Variants in SLC7A9 observed in about 807,000 individuals in gnomAD.
SLC7A9 encodes the protein solute carrier family 7 member 9.
In SLC7A9, 38 loss-of-function variants were observed where a neutral mutation model predicts 54.1. The observed-to-expected ratio is 0.70, with a 90% CI of 0.54 to 0.92. The LOEUF is 0.92. Among genes scored for constraint, SLC7A9 ranks in the 40% least tolerant of loss-of-function variants. The pLI is 0.00. For synonymous variants in SLC7A9, 264 were observed against 258.9 expected, an observed-to-expected ratio of 1.02 and a Z score of -0.19; for missense variants, 537 against 636.1, an observed-to-expected ratio of 0.84 and a Z score of 1.68.
At chr19:32,834,699 G>A (rs1007349533) in intron 11 of SLC7A9, among the ~76,000 whole-genome samples, 3 of 152,134 alleles carry the variant, frequency 2.0e-5, no homozygotes, top group African/African-American at 4.8e-5. Context: ...ATTAATTTTG[G>A]TATTCTCTTA....
chr19:32,847,380 GT>G (rs1968330281), intron 9 of SLC7A9, among the ~76,000 whole-genome samples: 1 of 152,192 alleles, frequency 6.6e-6, no homozygotes, highest in Admixed American at 6.5e-5. Flanking sequence ...CGAGAACTAC[GT>G]GAAGAATGCA....
chr19:32,857,355 G>C (rs906868039), intron 9 of SLC7A9, among the ~76,000 whole-genome samples: 4 of 151,816 alleles, frequency 2.6e-5, no homozygotes, highest in Non-Finnish European at 4.4e-5. Context: ...GAGGAGGGAG[G>C]ATTGCTTGAG....
At chr19:32,849,175 A>G (rs1441313963) in intron 9 of SLC7A9, among the ~76,000 whole-genome samples, 1 of 152,198 alleles carries the variant, frequency 6.6e-6, no homozygotes, top group African/African-American at 2.4e-5. Context: ...GGCAAGAAAT[A>G]ACTAAAACCA....
chr19:32,854,744 TG>T (rs1968568483), intron 9 of SLC7A9, among the ~76,000 whole-genome samples: 1 of 152,156 alleles, frequency 6.6e-6, no homozygotes, highest in South Asian at 2.1e-4. Context: ...TCTGCCACCA[TG>T]CCCCACTAAT....
intron 2 of SLC7A9, among the ~76,000 whole-genome samples, chr19:32,864,985 C>T (rs979042835): frequency 3.3e-5 from 5 of 152,180 alleles, no homozygotes; most frequent in Non-Finnish European, 5.9e-5. Context: ...GTGACAGCCC[C>T]GCGAGCTGGC....
Position 32,864,253 on chromosome 19 carries a change from G to A in SLC7A9, c.321C>T (p.Ile107=), listed in dbSNP as rs1208493877. The change falls in exon 4 of 13, where the codon ATC becomes ATT. Residue 107 remains isoleucine (I), a synonymous_variant. Transcript: ENST00000023064. ...TGGCCCAGGAGAAGAGGTAGGCGGG[G>A]ATGGGCCCGTAGGCCTCCATCAGGT... ...YPYLMEAYGP[I]PAYLFSWASL... is the part of the protein sequence containing the mutation. 1.9e-6 allele frequency: 3 copies of A among 1,614,076 alleles called. No individual in the cohort carries two copies. The highest frequency in any genetic ancestry group is 2.5e-6 in the Non-Finnish European group (3 of 1,180,024).
chr19:32,855,770 CT>C (rs1028986177), intron 9 of SLC7A9, among the ~76,000 whole-genome samples: 7 of 152,152 alleles, frequency 4.6e-5, no homozygotes, highest in Non-Finnish European at 1.0e-4. Flanking sequence ...GCACGTACCC[CT>C]GTCCAGCACA....
At chr19:32,868,754 C>G in intron 1 of SLC7A9, 109 bp from the exon 2 acceptor site, 3 of 610,238 alleles carry the variant, frequency 4.9e-6, no homozygotes, top group African/African-American at 1.8e-5. Context: ...ATTGTCCAGG[C>G]AGGGGAACAC....
chr19:32,852,991 GCAACCTCCGT>G (rs968047084), intron 9 of SLC7A9, among the ~76,000 whole-genome samples: 3 of 143,190 alleles, frequency 2.1e-5, no homozygotes, highest in Admixed American at 7.5e-5. Flanking sequence ...TCGGCTCACT[GCAACCTCCGT>G]CCCCCAGGTT....
At chr19:32,851,498 G>A (rs902872497) in intron 9 of SLC7A9, among the ~76,000 whole-genome samples, 68 of 149,178 alleles carry the variant, frequency 4.6e-4, no homozygotes, top group South Asian at 6.4e-4. Flanking sequence ...TTAGAATGGC[G>A]ATCATTAAAA....
chr19:32,839,571 A>AG (rs1968072374), intron 11 of SLC7A9, among the ~76,000 whole-genome samples: 1 of 151,178 alleles, frequency 6.6e-6, no homozygotes, highest in Admixed American at 6.6e-5. Flanking sequence ...AAAAAAAAAA[A>AG]GTCTCGTGTA....
At chr19:32,845,314 G>A (rs1968254858) in intron 9 of SLC7A9, among the ~76,000 whole-genome samples, 1 of 151,936 alleles carries the variant, frequency 6.6e-6, no homozygotes. Flanking sequence ...AACCAACATG[G>A]GGAAACCCCG....
chr19:32,855,619 G>A lies in SLC7A9; in HGVS notation c.977+2821C>T, dbSNP rs191398085. On this transcript the variant is annotated intron_variant, in intron 9 of 12. Coordinates refer to ENST00000023064, the MANE Select transcript of SLC7A9 (RefSeq NM_014270.5). ...CAGGAGGCTGAGGCAGGAGAATGGCGTGAACCTGGGAGGTGGAGCTTGCAG... is the reference window on the plus strand; with the variant it reads ...CAGGAGGCTGAGGCAGGAGAATGGCATGAACCTGGGAGGTGGAGCTTGCAG... Among the ~76,000 whole-genome samples the A allele has an allele frequency of 6.4e-4, 97 of 151,804 alleles. No individual in the cohort carries two copies. The South Asian group carries it at 0.011, about 18-fold the overall frequency.
At position 32,864,082 on chromosome 19, in the gene SLC7A9, G is replaced by T. The variant is rs1189647899; in HGVS notation, c.478+14C>A. The stretch of plus-strand genomic sequence containing the variant: ...AGGTCTTTTCTGACCCCTGCCCTGG[G>T]CTCAGGTACTCACAGATGGCGGCGG... On this transcript the variant is annotated intron_variant, in intron 4 of 12. Coordinates refer to ENST00000023064, the MANE Select transcript of SLC7A9 (RefSeq NM_014270.5). 1 of 1,613,910 alleles carries T rather than the reference G, an allele frequency of 6.2e-7. No homozygotes were observed.
intron 9 of SLC7A9, among the ~76,000 whole-genome samples, chr19:32,850,192 CAGG>C (rs1235107480): frequency 6.7e-6 from 1 of 149,758 alleles, no homozygotes; most frequent in East Asian, 2.0e-4. Context: ...GGCAATTAGG[CAGG>C]AGAAGGAAAT....
At chr19:32,851,259 T>G (rs1029083844) in intron 9 of SLC7A9, among the ~76,000 whole-genome samples, 3 of 151,440 alleles carry the variant, frequency 2.0e-5, no homozygotes, top group Admixed American at 6.6e-5. Flanking sequence ...GGGAGAAAAT[T>G]TTCGCAACCT....
chr19:32,847,007 A>G (rs1421303418), intron 9 of SLC7A9, among the ~76,000 whole-genome samples: 2 of 152,246 alleles, frequency 1.3e-5, no homozygotes, highest in African/African-American at 2.4e-5. Flanking sequence ...AACAAACAGA[A>G]AGGACATCCA....
chr19:32,863,923 C>T (rs1968881428), intron 4 of SLC7A9, among the ~76,000 whole-genome samples, 173 bp downstream of exon 4: 2 of 152,226 alleles, frequency 1.3e-5, no homozygotes, highest in African/African-American at 4.8e-5. Context: ...CCCTGCAGCC[C>T]CCACGGGCCT....
chr19:32,858,768 CTT>C (rs1555784560), intron 8 of SLC7A9, among the ~76,000 whole-genome samples: 1,716 of 148,626 alleles, frequency 0.012, 36 homozygotes, highest in African/African-American at 0.04. Context: ...TGGCATAAAT[CTT>C]TATTTATTTA....
Sources: gnomAD v4.1 joint callset for allele counts (sites outside exome capture counted in the v4.1 genomes callset) on GRCh38, gnomAD v4.1.1 for gene constraint, MANE v1.5 for transcripts, NCBI Gene and HGNC (gene_info 2026-07-23, HGNC 2026-07-21) for gene names.